ACHE: variants seen among roughly 807,000 people sequenced by gnomAD.
ACHE encodes the protein acetylcholinesterase (Yt blood group), also known as acetylcholinesterase.
In ACHE, 19 loss-of-function variants were observed where a neutral mutation model predicts 53.9. That is an observed-to-expected ratio of 0.35 (90% CI 0.25 to 0.52). The LOEUF (loss-of-function observed/expected upper bound fraction) is 0.52. Among genes scored for constraint, ACHE ranks in the 20% least tolerant of loss-of-function variants. The pLI is 0.95. For synonymous variants in ACHE, 392 were observed against 378.1 expected (o/e 1.04, Z -0.43); for missense variants, 605 against 849.4 (o/e 0.71, Z 3.58).
rs1299644973 is a variant in ACHE, at chr7:100,892,546, C to A, written c.1341G>T (p.Gly447=). 2 of 1,610,914 alleles carry A rather than the reference C, an allele frequency of 1.2e-6. No homozygotes were observed. The highest frequency in any genetic ancestry group is 1.7e-6 in the Non-Finnish European group (2 of 1,177,856). The change falls in exon 3 of 5, where the codon GGG becomes GGT. Residue 447 remains glycine (G), a synonymous_variant. Transcript: ENST00000241069. This position sits in a 1 kb window ranked among gnomAD's most constrained non-coding sequence, Gnocchi z 5.2. ...NVVCPVAQLA[G]RLAAQGARVY... is the part of the protein sequence containing the mutation. ...CCCGGGCACCCTGGGCAGCCAGTCG[C>A]CCAGCCAGCTGGGCCACGGGGCACA...
In ACHE at chr7:100,890,209, C is replaced by T. The variant is rs201836239; in HGVS notation, c.*5G>A. 9.8e-4 allele frequency: 1,583 copies of T among 1,613,520 alleles called. 13 individuals are homozygous for T. In the South Asian group the frequency reaches 0.011, roughly 12 times the overall value. ...GGAGCGGAGGACATGGGGGTCCCGC[C>T]GGGGTCACAGGTCTGAGCAGCGATC... On this transcript the variant is annotated 3_prime_UTR_variant, in exon 5 of 5. Transcript: ENST00000241069.
Position 100,893,467 on chromosome 7 carries a change from C to T in ACHE, c.766G>A (p.Ala256Thr). The T allele has an allele frequency of 6.2e-7, 1 of 1,607,768 alleles. No homozygotes were observed. Among genetic ancestry groups the T allele is most frequent in the Non-Finnish European group, 8.5e-7 (1 of 1,179,624 alleles). Residue 256 changes from alanine (A) to threonine (T), a missense_variant, in exon 2 of 5, where the codon GCC becomes ACC. Transcript: ENST00000241069. Reference sequence around the variant, plus strand: ...TTGGGGGCACCGCTCTGCAGCACGGCCCTGTGGAACAGGCCCCGGCTGGGC... The same window carrying T: ...TTGGGGGCACCGCTCTGCAGCACGGTCCTGTGGAACAGGCCCCGGCTGGGC... ...SPPSRGLFHR[A>T]VLQSGAPNGP...
At position 100,893,301 on chromosome 7, in the gene ACHE, A is replaced by G; in HGVS notation, c.932T>C (p.Val311Ala). 2 of 1,613,968 alleles carry G rather than the reference A, an allele frequency of 1.2e-6. No individual in the cohort carries two copies. The highest frequency in any genetic ancestry group is 1.7e-6 in the Non-Finnish European group (2 of 1,180,018). ...VACLRTRPAQ[V>A]LVNHEWHVLP... The stretch of plus-strand genomic sequence containing the variant: ...CACGTGCCATTCGTGGTTCACCAGG[A>G]CCTGCGCTGGTCGTGTCCGAAGGCA... Residue 311 changes from valine (V) to alanine (A), a missense_variant, in exon 2 of 5, where the codon GTC (valine) becomes GCC (alanine). By Grantham distance (64) the Val-to-Ala change is moderately conservative. Coordinates refer to ENST00000241069, the MANE Select transcript of ACHE (RefSeq NM_000665.5).
At position 100,894,319 on chromosome 7, in the gene ACHE, C is replaced by T. The variant is rs1021291738; in HGVS notation, c.-20-67G>A. The T allele has an allele frequency of 5.9e-5, 69 of 1,172,754 alleles. 1 individual carries two copies. Among genetic ancestry groups the T allele is most frequent in the Non-Finnish European group, 7.5e-5 (66 of 883,712 alleles). 72.6% of individuals were successfully genotyped at this position (1,172,754 alleles called of 1,614,324 possible). A position where few individuals can be genotyped will look rare whatever the true frequency, so the allele number is the denominator to read the frequency against. Reference sequence around the variant, plus strand: ...GAAGCCAGGAGGGAGGAGATTAGGGCACTGTCGGCCCAAGGGTTATCGCTC... The same window carrying T: ...GAAGCCAGGAGGGAGGAGATTAGGGTACTGTCGGCCCAAGGGTTATCGCTC... On this transcript the variant is annotated intron_variant, in intron 1 of 4. Coordinates refer to ENST00000241069, the MANE Select transcript of ACHE (RefSeq NM_000665.5).
At chr7:100,891,473 A>G (rs1213863088) in intron 3 of ACHE, 135 bp from the exon 4 acceptor site, 10 of 840,716 alleles carry the variant, frequency 1.2e-5, no homozygotes, top group African/African-American at 7.1e-5. Flanking sequence ...ACTTTCTCCA[A>G]TGTGCGCGGT....
chr7:100,893,993 T>C lies in ACHE; in HGVS notation c.240A>G (p.Pro80=). The part of the protein sequence containing the change: ...EPPMGPRRFL[P]PEPKQPWSGV... Reference sequence around the variant, plus strand: ...CTGACCAAGGCTGCTTGGGCTCCGGTGGCAGAAAGCGACGGGGTCCCATGG... The same window carrying C: ...CTGACCAAGGCTGCTTGGGCTCCGGCGGCAGAAAGCGACGGGGTCCCATGG... Residue 80 remains proline, a synonymous_variant, in exon 2 of 5, where the codon CCA becomes CCG. Transcript: ENST00000241069. 1 of 1,611,938 alleles carries C rather than the reference T, an allele frequency of 6.2e-7. No individual in the cohort carries two copies. Among genetic ancestry groups the C allele is most frequent in the Non-Finnish European group, 8.5e-7 (1 of 1,179,068 alleles).
In ACHE at chr7:100,892,185, T is replaced by G; in HGVS notation, c.1553+149A>C. On this transcript the variant is annotated intron_variant, in intron 3 of 4. Transcript: ENST00000241069. This position sits in a 1 kb window ranked among gnomAD's most constrained non-coding sequence, Gnocchi z 5.2. ...TGTCTCCTTTCTTTTTCTCTCCCCT[T>G]TTATCTACTTTGTGAGCATATCCCT... 9.7e-7 allele frequency: 1 copy of G among 1,027,596 alleles called. No homozygotes were observed. Among genetic ancestry groups the G allele is most frequent in the Non-Finnish European group, 1.3e-6 (1 of 783,086 alleles). 63.7% of individuals were successfully genotyped at this position (1,027,596 alleles called of 1,614,324 possible).
rs1584772465 is a variant in ACHE, at chr7:100,891,956, T to C, written c.1553+378A>G. On this transcript the variant is annotated intron_variant, in intron 3 of 4. Coordinates refer to ENST00000241069, the MANE Select transcript of ACHE (RefSeq NM_000665.5). ...CCACCGTGCCTGGCTAAGTTTTGTA[T>C]TTTTTTTCTTTTTAAGAGTCGGGGT... 4.0e-5 allele frequency among the ~76,000 whole-genome samples: 6 copies of C among 151,756 alleles called. 1 individual carries two copies. Among genetic ancestry groups the C allele is most frequent in the Admixed American group, 3.9e-4 (6 of 15,226 alleles).
intron 1 of ACHE, among the ~76,000 whole-genome samples, chr7:100,895,055 TGCAGAGCC>T (rs1790964999): frequency 6.6e-6 from 1 of 151,390 alleles, no homozygotes; most frequent in Non-Finnish European, 1.5e-5. Context: ...TCGAGGGCCT[TGCAGAGCC>T]GCCTGAAGGG....
rs1790744790 is a variant in ACHE at position 100,892,248 on chromosome 7, T to C, written c.1553+86A>G. 1.4e-6 allele frequency: 2 copies of C among 1,435,830 alleles called. No homozygotes were observed. The highest frequency in any genetic ancestry group is 4.8e-5 in the East Asian group (2 of 41,458). 88.9% of individuals were successfully genotyped at this position (1,435,830 alleles called of 1,614,324 possible). On this transcript the variant is annotated intron_variant, in intron 3 of 4. Transcript: ENST00000241069. The surrounding 1 kb of genome is among the most constrained non-coding windows in gnomAD (Gnocchi z 5.2). ...TATCCTGCCCCTGTCCCACCCGTCCTTTCTGTCTCCGTGTGTCTGCCTTTG... is the reference window on the plus strand; with the variant it reads ...TATCCTGCCCCTGTCCCACCCGTCCCTTCTGTCTCCGTGTGTCTGCCTTTG...
At position 100,890,061 on chromosome 7, in the gene ACHE, A is replaced by T. The variant is rs932824239; in HGVS notation, c.*153T>A. ...CGCGGGGGAGGGAGCTCAGCCTGAGACATGCAGAGGACCGGGAGCCCCGGG... is the reference window on the plus strand; with the variant it reads ...CGCGGGGGAGGGAGCTCAGCCTGAGTCATGCAGAGGACCGGGAGCCCCGGG... On this transcript the variant is annotated 3_prime_UTR_variant, in exon 5 of 5. Coordinates refer to ENST00000241069, the MANE Select transcript of ACHE (RefSeq NM_000665.5). 2.6e-5 allele frequency: 23 copies of T among 892,808 alleles called. No homozygotes were observed. The highest frequency in any genetic ancestry group is 3.2e-5 in the Non-Finnish European group (19 of 602,578). 55.3% of individuals were successfully genotyped at this position (892,808 alleles called of 1,614,324 possible).
At chr7:100,891,430 G>C in intron 3 of ACHE, 92 bp from the exon 4 acceptor site, 1 of 1,307,488 alleles carries the variant, frequency 7.6e-7, no homozygotes, top group Non-Finnish European at 1.0e-6. Flanking sequence ...GCTCAGCGGA[G>C]AGCCCCAGAG....
intron 4 of ACHE, 124 bp downstream of exon 4, chr7:100,891,045 C>G: frequency 6.8e-7 from 1 of 1,463,284 alleles, no homozygotes; most frequent in Non-Finnish European, 9.1e-7. Context: ...TCGGAGCAGC[C>G]TCCCCATGGG....
At chr7:100,890,698 C>T in intron 4 of ACHE, 2 of 1,324,388 alleles carry the variant, frequency 1.5e-6, no homozygotes, top group Non-Finnish European at 1.9e-6. Context: ...CCCACTTCCC[C>T]CCAATGTCAG....
At position 100,892,954 on chromosome 7, in the gene ACHE, TC is replaced by T; in HGVS notation, c.1069-137del. 3.2e-6 allele frequency: 4 copies of T among 1,264,932 alleles called. No homozygotes were observed. Among genetic ancestry groups the T allele is most frequent in the Non-Finnish European group, 4.3e-6 (4 of 937,686 alleles). The allele number at this position is 1,264,932 out of a possible 1,614,324, so 78.4% of individuals were successfully genotyped here. The stretch of plus-strand genomic sequence containing the variant: ...AACCATGGACAGAGAGAGGACGAGA[TC>T]AGGGGAGGGATGCAGAGAAAGAGAA... On this transcript the variant is annotated intron_variant, in intron 2 of 4. Transcript: ENST00000241069. This position sits in a 1 kb window ranked among gnomAD's most constrained non-coding sequence, Gnocchi z 5.2.
rs1434090150 is a variant in ACHE, at chr7:100,891,352, G to A, written c.1554-14C>T. ...TCATTGGGATCCCTGCGGAAGGAAG[G>A]GAAGGCTCAGTCCAGACGGGCAGTG... On this transcript the variant is annotated splice_polypyrimidine_tract_variant and intron_variant, in intron 3 of 4. Coordinates refer to ENST00000241069, the MANE Select transcript of ACHE (RefSeq NM_000665.5). 6.5e-7 allele frequency: 1 copy of A among 1,530,474 alleles called. No individual in the cohort carries two copies. The highest frequency in any genetic ancestry group is 1.2e-5 in the South Asian group (1 of 81,970). 94.8% of individuals were successfully genotyped at this position (1,530,474 alleles called of 1,614,324 possible).
chr7:100,894,437 G>A (rs887981728), intron 1 of ACHE, 185 bp from the exon 2 acceptor site: 6 of 459,062 alleles, frequency 1.3e-5, no homozygotes, highest in East Asian at 6.7e-5. Flanking sequence ...AGGCCAGCGG[G>A]CAGGAGGGGA....
rs891327796 is a variant in ACHE, at chr7:100,892,049, AAG to A, written c.1553+283_1553+284del. Among the ~76,000 whole-genome samples, 29 of 151,828 alleles carry A rather than the reference AAG, an allele frequency of 1.9e-4. No individual in the cohort carries two copies. Among genetic ancestry groups the A allele is most frequent in the African/African-American group, 6.3e-4 (26 of 41,406 alleles). The stretch of plus-strand genomic sequence containing the variant: ...GGGATCCTCCCACCTTGGCCTCCCA[AAG>A]GGCTGGAATTACAGGGGTGAGCCAC... On this transcript the variant is annotated intron_variant, in intron 3 of 4. Coordinates refer to ENST00000241069, the MANE Select transcript of ACHE (RefSeq NM_000665.5). The surrounding 1 kb of genome is among the most constrained non-coding windows in gnomAD (Gnocchi z 5.2).
chr7:100,892,316 TC>T lies in ACHE; in HGVS notation c.1553+17del. The T allele has an allele frequency of 6.7e-7, 1 of 1,489,778 alleles. No homozygotes were observed. Among genetic ancestry groups the T allele is most frequent in the Non-Finnish European group, 9.0e-7 (1 of 1,116,302 alleles). The allele number at this position is 1,489,778 out of a possible 1,614,324, so 92.3% of individuals were successfully genotyped here. On this transcript the variant is annotated intron_variant, in intron 3 of 4. Coordinates refer to ENST00000241069, the MANE Select transcript of ACHE (RefSeq NM_000665.5). The surrounding 1 kb of genome is among the most constrained non-coding windows in gnomAD (Gnocchi z 5.2). ...GACTCCTGTCCTCCCCAGCCTTCTCTCCCTCTGCACTGCTGACCCTGTGCGG... is the reference window on the plus strand; with the variant it reads ...GACTCCTGTCCTCCCCAGCCTTCTCTCCTCTGCACTGCTGACCCTGTGCGG...
Sources: allele counts gnomAD v4.1 joint callset (sites outside exome capture counted in the v4.1 genomes callset), GRCh38; gene constraint gnomAD v4.1.1; non-coding constraint Gnocchi (gnomAD v3.1); transcripts MANE v1.5; gene names NCBI Gene and HGNC (gene_info 2026-07-23, HGNC 2026-07-21).